Variants in MYT1L observed in about 807,000 individuals in gnomAD.
MYT1L encodes myelin transcription factor 1 like, also known as myelin transcription factor 1-like protein.
In MYT1L, 12 loss-of-function variants were observed where a neutral mutation model predicts 126.7. The ratio of observed to expected loss-of-function variants is 0.09; its 90% CI spans 0.06 to 0.15. MYT1L has a LOEUF of 0.15. Among genes scored for constraint, MYT1L ranks in the 10% least tolerant of loss-of-function variants. MYT1L has a pLI of 1.00. For missense variants in MYT1L, 979 were observed against 1,585.2 expected, an observed-to-expected ratio of 0.62 and a Z score of 6.49; for synonymous variants, 541 against 604.2, an observed-to-expected ratio of 0.90 and a Z score of 1.53.
intron 21 of MYT1L, among the ~76,000 whole-genome samples, chr2:1,810,883 TA>T (rs1418582288): frequency 6.6e-6 from 1 of 152,142 alleles, no homozygotes; most frequent in African/African-American, 2.4e-5. Context: ...AGAATATTCA[TA>T]AAATTCTAAA....
intron 18 of MYT1L, among the ~76,000 whole-genome samples, chr2:1,870,680 C>T (rs959445107): frequency 2.0e-5 from 3 of 152,178 alleles, no homozygotes; most frequent in Admixed American, 6.5e-5. Context: ...ACATTTTACA[C>T]GATCTGTGTT....
chr2:2,104,982 T>C (rs1288254485), intron 3 of MYT1L, among the ~76,000 whole-genome samples: 1 of 152,206 alleles, frequency 6.6e-6, no homozygotes, highest in South Asian at 2.1e-4. Flanking sequence ...ACACATTACA[T>C]TACTACTGAA....
chr2:1,835,381 T>G (rs963606989), intron 21 of MYT1L, among the ~76,000 whole-genome samples: 1 of 152,146 alleles, frequency 6.6e-6, no homozygotes, highest in African/African-American at 2.4e-5. Context: ...GAATACTCTA[T>G]GAAAGTGAAA....
intron 21 of MYT1L, among the ~76,000 whole-genome samples, chr2:1,819,083 G>A (rs1160625764): frequency 6.6e-6 from 1 of 152,176 alleles, no homozygotes; most frequent in Non-Finnish European, 1.5e-5. Context: ...CAAAGCCTGA[G>A]GGATGGCAGC....
At chr2:2,197,494 C>T (rs2092855061) in intron 2 of MYT1L, among the ~76,000 whole-genome samples, 1 of 152,058 alleles carries the variant, frequency 6.6e-6, no homozygotes, top group East Asian at 1.9e-4. Flanking sequence ...CACATGCACA[C>T]ACACATGCAT....
chr2:2,005,040 GTTCTTTCCTGAATACA>G (rs1398483934), intron 4 of MYT1L, among the ~76,000 whole-genome samples: 6 of 140,640 alleles, frequency 4.3e-5, no homozygotes, highest in African/African-American at 1.1e-4. Flanking sequence ...TCCTGCAGGC[GTTCTTTCCTGAATACA>G]TTCTTTCCTG....
chr2:2,158,161 G>A (rs563623773), intron 3 of MYT1L, among the ~76,000 whole-genome samples: 4 of 131,916 alleles, frequency 3.0e-5, no homozygotes, highest in Admixed American at 7.3e-5. Context: ...CAGACACACC[G>A]AGACCACACA....
intron 14 of MYT1L, among the ~76,000 whole-genome samples, chr2:1,901,720 T>C (rs929377766): frequency 4.6e-5 from 7 of 152,346 alleles, no homozygotes; most frequent in East Asian, 3.9e-4. Flanking sequence ...ACTAAGTACC[T>C]TTTTCTTTGT....
chr2:2,292,063 T>A (rs1009461071), intron 1 of MYT1L, among the ~76,000 whole-genome samples: 1 of 152,198 alleles, frequency 6.6e-6, no homozygotes, highest in African/African-American at 2.4e-5. Context: ...CTCAGCTGCG[T>A]GGGCTCTGCT....
intron 3 of MYT1L, among the ~76,000 whole-genome samples, chr2:2,093,757 T>A (rs2077147862): frequency 6.6e-6 from 1 of 152,228 alleles, no homozygotes; most frequent in African/African-American, 2.4e-5. Context: ...AGACGTGAAG[T>A]CCTTGCCCAT....
intron 3 of MYT1L, among the ~76,000 whole-genome samples, chr2:2,121,374 A>T (rs569618440): frequency 6.6e-6 from 1 of 151,592 alleles, no homozygotes; most frequent in Non-Finnish European, 1.5e-5. Context: ...ACGGGGTTTC[A>T]CTATGTTGGC....
intron 18 of MYT1L, chr2:1,885,214 C>T (rs1239088093): frequency 6.6e-6 from 1 of 152,348 alleles, no homozygotes; most frequent in Non-Finnish European, 1.5e-5. Context: ...ATGTTTTGAC[C>T]ATGAGGGAAA....
intron 3 of MYT1L, among the ~76,000 whole-genome samples, chr2:2,066,838 C>T (rs1459698139): frequency 6.6e-6 from 1 of 152,178 alleles, no homozygotes; most frequent in African/African-American, 2.4e-5. Context: ...TGCAGAGGAG[C>T]CATTCAGAAA....
chr2:2,029,692 G>A (rs1010657483), intron 4 of MYT1L, among the ~76,000 whole-genome samples: 2 of 152,050 alleles, frequency 1.3e-5, no homozygotes, highest in African/African-American at 2.4e-5. Flanking sequence ...TTTGAAATTA[G>A]GTTTATGTAC....
rs544770040 is a variant in MYT1L at position 1,934,916 on chromosome 2, G to A, written c.505+8066C>T. 4.6e-5 allele frequency among the ~76,000 whole-genome samples: 7 copies of A among 152,288 alleles called. No individual in the cohort carries two copies. The South Asian group carries it at 1.2e-3, about 27-fold the overall frequency. On this transcript the variant is annotated intron_variant, in intron 9 of 24. Transcript: ENST00000647738. Reference sequence around the variant, plus strand: ...CTGGTTCTTCTGTTTTCCAGAATGGGTTTGAGACACAGGTGGCTGCTCACA... The same window carrying A: ...CTGGTTCTTCTGTTTTCCAGAATGGATTTGAGACACAGGTGGCTGCTCACA...
At chr2:2,321,861 A>C (rs1482421293) in intron 1 of MYT1L, among the ~76,000 whole-genome samples, 1 of 152,180 alleles carries the variant, frequency 6.6e-6, no homozygotes, top group Non-Finnish European at 1.5e-5. Flanking sequence ...AAACAGTCAG[A>C]CTTCAGTAAA....
At chr2:2,274,894 C>T (rs1265524069) in intron 2 of MYT1L, among the ~76,000 whole-genome samples, 1 of 152,114 alleles carries the variant, frequency 6.6e-6, no homozygotes, top group East Asian at 1.9e-4. Flanking sequence ...TCCATAAGAC[C>T]CCGAGAGCCT....
At chr2:2,180,453 C>A (rs141400989) in intron 2 of MYT1L, among the ~76,000 whole-genome samples, 300 of 151,562 alleles carry the variant, frequency 2.0e-3, no homozygotes, top group African/African-American at 6.8e-3. Flanking sequence ...GGAGTGAGTG[C>A]AAGTGGCAGA....
intron 4 of MYT1L, among the ~76,000 whole-genome samples, chr2:2,014,872 TAG>T (rs2064211997): frequency 6.6e-6 from 1 of 152,160 alleles, no homozygotes; most frequent in Non-Finnish European, 1.5e-5. Flanking sequence ...AAGCAGAAGC[TAG>T]AGAGTGTGCC....
Sources: allele counts gnomAD v4.1 joint callset (sites outside exome capture counted in the v4.1 genomes callset), GRCh38; gene constraint gnomAD v4.1.1; transcripts MANE v1.5; gene names NCBI Gene and HGNC (gene_info 2026-07-23, HGNC 2026-07-21).